The following GOLIM4 variants were observed in gnomAD, a reference collection of about 807,000 sequenced individuals.
The protein encoded by GOLIM4 is golgi integral membrane protein 4, also known as 130 kDa golgi-localized phosphoprotein.
A neutral mutation model predicts 107.4 loss-of-function variants in GOLIM4; 71 were observed. The observed-to-expected ratio is 0.66, with a 90% CI of 0.55 to 0.81. The LOEUF is 0.81. Among genes scored for constraint, GOLIM4 ranks in the 30% least tolerant of loss-of-function variants. GOLIM4 has a pLI of 0.00. For missense variants in GOLIM4, 830 were observed against 826.1 expected, an observed-to-expected ratio of 1.00 and a Z score of -0.06; for synonymous variants, 327 against 294.8, an observed-to-expected ratio of 1.11 and a Z score of -1.12.
intron 1 of GOLIM4, among the ~76,000 whole-genome samples, chr3:168,078,416 C>T (rs1477246037): frequency 6.6e-6 from 1 of 152,132 alleles, no homozygotes; most frequent in East Asian, 1.9e-4. Flanking sequence ...ACTGAGAAAA[C>T]AATGTATGTA....
At chr3:168,026,635 CA>C (rs1338789334) in intron 12 of GOLIM4, among the ~76,000 whole-genome samples, 1 of 152,224 alleles carries the variant, frequency 6.6e-6, no homozygotes, top group Non-Finnish European at 1.5e-5. Context: ...ACCCCATGCA[CA>C]TTTGCAGGCC....
chr3:168,088,685 G>T (rs1721747459), intron 1 of GOLIM4, among the ~76,000 whole-genome samples: 2 of 152,142 alleles, frequency 1.3e-5, no homozygotes, highest in African/African-American at 2.4e-5. Context: ...GTCACCAGGT[G>T]ATATGTGTCC....
At chr3:168,074,167 G>A (rs1011923385) in intron 1 of GOLIM4, among the ~76,000 whole-genome samples, 1 of 152,164 alleles carries the variant, frequency 6.6e-6, no homozygotes, top group Non-Finnish European at 1.5e-5. Context: ...ATGAGCTTGG[G>A]AGTGGATCCT....
intron 14 of GOLIM4, among the ~76,000 whole-genome samples, chr3:168,018,504 G>A (rs1033913961): frequency 6.6e-6 from 1 of 152,112 alleles, no homozygotes; most frequent in Non-Finnish European, 1.5e-5. Flanking sequence ...TACATTTTGA[G>A]GACAAAGGCA....
At chr3:168,039,734 T>A (rs1560082834) in intron 7 of GOLIM4, among the ~76,000 whole-genome samples, 1 of 152,210 alleles carries the variant, frequency 6.6e-6, no homozygotes, top group African/African-American at 2.4e-5. Flanking sequence ...CTCAAATCAG[T>A]TTGTCACATT....
chr3:168,090,841 A>C (rs1721870328), intron 1 of GOLIM4, among the ~76,000 whole-genome samples: 1 of 152,238 alleles, frequency 6.6e-6, no homozygotes, highest in Non-Finnish European at 1.5e-5. Flanking sequence ...CTCAGCCGTA[A>C]CAAGGAATGA....
intron 14 of GOLIM4, among the ~76,000 whole-genome samples, chr3:168,011,421 C>A (rs1295074759): frequency 6.6e-6 from 1 of 152,182 alleles, no homozygotes; most frequent in East Asian, 1.9e-4. Context: ...TGATTGCCAG[C>A]ACAGCAGTCT....
intron 8 of GOLIM4, among the ~76,000 whole-genome samples, chr3:168,034,660 T>C (rs531228645): frequency 3.9e-5 from 6 of 152,302 alleles, no homozygotes; most frequent in African/African-American, 7.2e-5. Flanking sequence ...GACACTGATA[T>C]GGTTTGGCTG....
intron 1 of GOLIM4, among the ~76,000 whole-genome samples, chr3:168,055,817 A>AAT (rs61165982): frequency 6.6e-6 from 1 of 151,384 alleles, no homozygotes; most frequent in Non-Finnish European, 1.5e-5. Context: ...AAAAAAAAAA[A>AAT]GAGGTGACTC....
At chr3:168,015,531 A>T (rs1258481096) in intron 14 of GOLIM4, among the ~76,000 whole-genome samples, 1 of 137,234 alleles carries the variant, frequency 7.3e-6, no homozygotes, top group South Asian at 2.1e-4. Context: ...ACAGAATTGG[A>T]AAAAACTACT....
intron 14 of GOLIM4, among the ~76,000 whole-genome samples, chr3:168,012,537 A>G (rs1438605434): frequency 7.3e-6 from 1 of 137,444 alleles, no homozygotes; most frequent in Non-Finnish European, 1.5e-5. Context: ...AAATACAGAG[A>G]ACGCCACAAA....
At chr3:168,019,835 G>A (rs1717584615) in intron 14 of GOLIM4, among the ~76,000 whole-genome samples, 1 of 152,164 alleles carries the variant, frequency 6.6e-6, no homozygotes, top group South Asian at 2.1e-4. Context: ...AGGTTGGCCA[G>A]TGAGCTCAGG....
chr3:168,054,994 C>T (rs114662874), intron 1 of GOLIM4, among the ~76,000 whole-genome samples: 1,750 of 152,282 alleles, frequency 0.011, 37 homozygotes, highest in African/African-American at 0.04. Context: ...TTTCACCTTC[C>T]GCCATGATTG....
intron 1 of GOLIM4, among the ~76,000 whole-genome samples, chr3:168,089,335 ACCTACCACACATTG>A (rs1246104456): frequency 6.6e-6 from 1 of 152,152 alleles, no homozygotes; most frequent in Non-Finnish European, 1.5e-5. Flanking sequence ...AAATTAGTAC[ACCTACCACACATTG>A]CCCACACTTG....
chr3:168,019,410 A>T (rs1717557674), intron 14 of GOLIM4, among the ~76,000 whole-genome samples: 1 of 152,218 alleles, frequency 6.6e-6, no homozygotes, highest in South Asian at 2.1e-4. Flanking sequence ...TTATATAATC[A>T]TACTGTGATT....
rs896181434 is a variant in GOLIM4, at chr3:168,017,048, T to TA, written c.1861-6226dup. 5.3e-5 allele frequency among the ~76,000 whole-genome samples: 8 copies of TA among 151,718 alleles called. No homozygotes were observed. In the East Asian group the frequency reaches 7.7e-4, roughly 15 times the overall value. ...CCTAAAACTTAAAGTATAATAATAATAAAAAAAAGAAATGTATAATACACC... is the reference window on the plus strand; with the variant it reads ...CCTAAAACTTAAAGTATAATAATAATAAAAAAAAAGAAATGTATAATACACC... On this transcript the variant is annotated intron_variant, in intron 14 of 15. Coordinates refer to ENST00000470487, the MANE Select transcript of GOLIM4 (RefSeq NM_014498.5).
Position 168,044,861 on chromosome 3 carries a change from G to C in GOLIM4, c.333C>G (p.Tyr111Ter), listed in dbSNP as rs1719211855. The change falls in exon 4 of 16, where the codon TAC (tyrosine) becomes TAG (stop). Residue 111 changes from tyrosine to a stop codon, truncating the protein, a stop_gained. Transcript: ENST00000470487. LOFTEE classifies it high-confidence loss of function. ...NKGRQDSNSRYSALNVQHQML... is the reference protein window; with the variant it reads ...NKGRQDSNSR ...TCTGATGTTGGACATTCAGTGCACTGTATCTGCTATTGGAATCTTGCTGTA... is the reference window on the plus strand; with the variant it reads ...TCTGATGTTGGACATTCAGTGCACTCTATCTGCTATTGGAATCTTGCTGTA... 1.3e-6 allele frequency: 2 copies of C among 1,555,858 alleles called. No homozygotes were observed. Among genetic ancestry groups the C allele is most frequent in the Non-Finnish European group, 1.7e-6 (2 of 1,146,388 alleles).
intron 8 of GOLIM4, 70 bp from the exon 9 acceptor site, chr3:168,032,922 C>G: frequency 8.3e-7 from 1 of 1,199,846 alleles, no homozygotes; most frequent in Non-Finnish European, 1.2e-6. Context: ...TTCTTGATTT[C>G]CATGTCTATG....
In GOLIM4 at chr3:168,031,776, A is replaced by C. The variant is rs1009640279; in HGVS notation, c.1176+744T>G. Among the ~76,000 whole-genome samples the C allele has an allele frequency of 2.2e-4, 34 of 152,168 alleles. 1 individual carries two copies. The highest frequency in any genetic ancestry group is 2.2e-4 in the Non-Finnish European group (15 of 68,026). Reference sequence around the variant, plus strand: ...GGCCGAATAAAACTTCAGAGTTATAAATAGAAGGTGATCCACACCCATGTA... The same window carrying C: ...GGCCGAATAAAACTTCAGAGTTATACATAGAAGGTGATCCACACCCATGTA... On this transcript the variant is annotated intron_variant, in intron 9 of 15. Transcript: ENST00000470487.
Sources: gnomAD v4.1 joint callset for allele counts (sites outside exome capture counted in the v4.1 genomes callset) on GRCh38, gnomAD v4.1.1 for gene constraint, MANE v1.5 for transcripts, NCBI Gene and HGNC (gene_info 2026-07-23, HGNC 2026-07-21) for gene names.